Variants in ROBO2 observed in about 807,000 individuals in gnomAD.
The protein encoded by ROBO2 is roundabout guidance receptor 2.
A neutral mutation model predicts 160.8 loss-of-function variants in ROBO2; 53 were observed. That is an observed-to-expected ratio of 0.33 (90% CI 0.26 to 0.41). ROBO2 has a LOEUF of 0.41. Ranked by LOEUF, ROBO2 falls within the 10% of genes least tolerant of loss-of-function variation. The pLI is 1.00. For missense variants in ROBO2, 1,577 were observed against 1,722.4 expected (o/e 0.92, Z 1.49); for synonymous variants, 664 against 611.7 (o/e 1.09, Z -1.26).
At chr3:76,666,360 C>T (rs145782418) in intron 2 of ROBO2, among the ~76,000 whole-genome samples, 19 of 152,156 alleles carry the variant, frequency 1.2e-4, no homozygotes, top group African/African-American at 4.1e-4. Flanking sequence ...TGTTAGGAGA[C>T]ATCAGTTCAC....
At chr3:76,318,804 T>A (rs1559756164) in intron 2 of ROBO2, among the ~76,000 whole-genome samples, 1 of 152,044 alleles carries the variant, frequency 6.6e-6, no homozygotes, top group Non-Finnish European at 1.5e-5. Flanking sequence ...GGAAAAAATA[T>A]AAAGTTTAGT....
At chr3:76,888,083 T>C (rs2074048776) in intron 2 of ROBO2, among the ~76,000 whole-genome samples, 1 of 152,210 alleles carries the variant, frequency 6.6e-6, no homozygotes, top group Non-Finnish European at 1.5e-5. Context: ...TAGTTAAGTA[T>C]TGAGCCGGGC....
At chr3:76,321,890 T>C (rs1433349865) in intron 2 of ROBO2, among the ~76,000 whole-genome samples, 1 of 152,056 alleles carries the variant, frequency 6.6e-6, no homozygotes, top group Admixed American at 6.6e-5. Flanking sequence ...CCTGGAGTAC[T>C]TTTCCCTCAT....
chr3:76,567,654 C>CATACATACAT (rs1259065851), intron 2 of ROBO2, among the ~76,000 whole-genome samples: 7 of 41,640 alleles, frequency 1.7e-4, no homozygotes, highest in African/African-American at 4.9e-4. Context: ...TATATATATA[C>CATACATACAT]ACATACACAT....
chr3:77,199,873 C>T (rs1353083522), intron 2 of ROBO2, among the ~76,000 whole-genome samples: 2 of 151,674 alleles, frequency 1.3e-5, no homozygotes, highest in African/African-American at 2.4e-5. Context: ...AGTGATCCTC[C>T]TGTCTCAGCC....
intron 2 of ROBO2, among the ~76,000 whole-genome samples, chr3:76,616,528 C>T (rs2088598151): frequency 6.6e-6 from 1 of 152,142 alleles, no homozygotes; most frequent in Non-Finnish European, 1.5e-5. Context: ...CAGATTTCCA[C>T]AGAAAAGCTG....
intron 2 of ROBO2, among the ~76,000 whole-genome samples, chr3:76,320,253 G>C (rs2072405630): frequency 6.6e-6 from 1 of 151,960 alleles, no homozygotes; most frequent in African/African-American, 2.4e-5. Context: ...TTTCATTTCT[G>C]TACAAAATGC....
chr3:76,176,578 G>T (rs574851431), intron 2 of ROBO2, among the ~76,000 whole-genome samples: 3 of 152,222 alleles, frequency 2.0e-5, no homozygotes, highest in East Asian at 1.9e-4. Context: ...AATCAGAAAA[G>T]ATTTTTCTCT....
At chr3:76,983,713 T>C (rs1408181162) in intron 2 of ROBO2, among the ~76,000 whole-genome samples, 1 of 152,198 alleles carries the variant, frequency 6.6e-6, no homozygotes, top group Non-Finnish European at 1.5e-5. Flanking sequence ...TGATTTTACA[T>C]ACAAATAATC....
intron 2 of ROBO2, among the ~76,000 whole-genome samples, chr3:76,859,333 C>A (rs571049870): frequency 6.6e-6 from 1 of 152,162 alleles, no homozygotes; most frequent in South Asian, 2.1e-4. Context: ...TTTACATATT[C>A]TGAAATTTTA....
chr3:76,833,572 A>T (rs768109896), intron 2 of ROBO2, among the ~76,000 whole-genome samples: 108 of 152,192 alleles, frequency 7.1e-4, no homozygotes, highest in Non-Finnish European at 1.3e-3. Flanking sequence ...ATATCCACTA[A>T]ACTTAGACAT....
chr3:76,840,792 T>A (rs2068183051), intron 2 of ROBO2, among the ~76,000 whole-genome samples: 1 of 151,896 alleles, frequency 6.6e-6, no homozygotes, highest in Non-Finnish European at 1.5e-5. Context: ...AGCCAAAGCA[T>A]TTGTTGGTGG....
chr3:77,294,441 CTAA>C, intron 2 of ROBO2, among the ~76,000 whole-genome samples: 1 of 132,974 alleles, frequency 7.5e-6, no homozygotes, highest in East Asian at 2.2e-4. Context: ...GCCTAGATCC[CTAA>C]AGACATAAAG....
intron 2 of ROBO2, among the ~76,000 whole-genome samples, chr3:76,907,114 G>A (rs1490599307): frequency 1.3e-5 from 2 of 151,992 alleles, no homozygotes; most frequent in Non-Finnish European, 2.9e-5. Context: ...TGAATACATG[G>A]ATGAATGAAT....
chr3:77,161,951 C>T (rs567498635), intron 2 of ROBO2, among the ~76,000 whole-genome samples: 55 of 152,156 alleles, frequency 3.6e-4, no homozygotes, highest in African/African-American at 1.3e-3. Flanking sequence ...CAGTAATGTA[C>T]CCACAATATT....
At chr3:77,133,270 G>T (rs1430343124) in intron 2 of ROBO2, among the ~76,000 whole-genome samples, 1 of 152,046 alleles carries the variant, frequency 6.6e-6, no homozygotes, top group Non-Finnish European at 1.5e-5. Flanking sequence ...TTTTGAGAGG[G>T]TAGCGATGAG....
intron 9 of ROBO2, among the ~76,000 whole-genome samples, chr3:77,558,810 G>A (rs533015870): frequency 1.3e-5 from 2 of 152,130 alleles, no homozygotes; most frequent in East Asian, 3.9e-4. Flanking sequence ...CTATTATTAT[G>A]GAACAATATG....
intron 2 of ROBO2, among the ~76,000 whole-genome samples, chr3:76,819,047 G>T (rs898690762): frequency 1.3e-5 from 2 of 151,958 alleles, no homozygotes; most frequent in African/African-American, 4.8e-5. Flanking sequence ...TTGATCTTAG[G>T]TATCCATTCA....
intron 2 of ROBO2, among the ~76,000 whole-genome samples, chr3:76,760,149 C>T (rs2108358875): frequency 6.6e-6 from 1 of 151,848 alleles, no homozygotes; most frequent in South Asian, 2.1e-4. Flanking sequence ...ATCATATCAG[C>T]TCCCTCAAAG....
Sources: gnomAD v4.1 joint callset for allele counts (sites outside exome capture counted in the v4.1 genomes callset) on GRCh38, gnomAD v4.1.1 for gene constraint, MANE v1.5 for transcripts, NCBI Gene and HGNC (gene_info 2026-07-23, HGNC 2026-07-21) for gene names.